Variants in SRPK2 observed in about 807,000 individuals in gnomAD.
SRPK2 encodes the protein SRSF protein kinase 2.
Under a neutral mutation model 90.8 loss-of-function variants are expected in SRPK2, and 21 were observed. That is an observed-to-expected ratio of 0.23 (90% confidence interval 0.16 to 0.33). The LOEUF is 0.33. Among genes scored for constraint, SRPK2 ranks in the 10% least tolerant of loss-of-function variants. SRPK2 has a pLI of 1.00. For missense variants in SRPK2, 620 were observed against 869.0 expected, an observed-to-expected ratio of 0.71 and a Z score of 3.60; for synonymous variants, 288 against 311.1, an observed-to-expected ratio of 0.93 and a Z score of 0.78.
chr7:105,302,630 T>C (rs1033941461), intron 2 of SRPK2, among the ~76,000 whole-genome samples: 7 of 152,164 alleles, frequency 4.6e-5, no homozygotes, highest in African/African-American at 1.7e-4. Context: ...TCTTTTAATT[T>C]TTGAAAGGTG....
chr7:105,280,240 C>T (rs1296262790), intron 2 of SRPK2, among the ~76,000 whole-genome samples: 2 of 151,952 alleles, frequency 1.3e-5, no homozygotes, highest in Non-Finnish European at 2.9e-5. Flanking sequence ...TATGGTGAAA[C>T]TCCATCTCTA....
intron 2 of SRPK2, among the ~76,000 whole-genome samples, chr7:105,334,706 G>A (rs1275292555): frequency 6.6e-6 from 1 of 151,782 alleles, no homozygotes; most frequent in Non-Finnish European, 1.5e-5. Context: ...CAGGTATGGT[G>A]GCACATGCCT....
chr7:105,379,785 C>T (rs563393842), intron 2 of SRPK2, among the ~76,000 whole-genome samples: 2 of 152,172 alleles, frequency 1.3e-5, no homozygotes, highest in African/African-American at 2.4e-5. Context: ...GAGACCAGCC[C>T]GGCCAACATG....
At chr7:105,380,120 A>C (rs1189342708) in intron 2 of SRPK2, among the ~76,000 whole-genome samples, 2 of 152,190 alleles carry the variant, frequency 1.3e-5, no homozygotes, top group Non-Finnish European at 2.9e-5. Flanking sequence ...TAAAAAAGAA[A>C]ATTAAAATTA....
At chr7:105,238,098 A>G (rs1240466583) in intron 2 of SRPK2, among the ~76,000 whole-genome samples, 1 of 152,240 alleles carries the variant, frequency 6.6e-6, no homozygotes, top group Non-Finnish European at 1.5e-5. Context: ...GTAAAGGCTG[A>G]ATCGTGCAGG....
chr7:105,210,583 T>G (rs1796731203), intron 2 of SRPK2, among the ~76,000 whole-genome samples: 1 of 152,196 alleles, frequency 6.6e-6, no homozygotes, highest in African/African-American at 2.4e-5. Flanking sequence ...AAATCAAACC[T>G]AAATGTGCAA....
intron 2 of SRPK2, among the ~76,000 whole-genome samples, chr7:105,299,977 G>A (rs1318679875): frequency 6.6e-6 from 1 of 151,894 alleles, no homozygotes; most frequent in Non-Finnish European, 1.5e-5. Context: ...AGCATATGAA[G>A]TGCCCATCAA....
At chr7:105,191,259 C>A (rs1794241369) in intron 3 of SRPK2, among the ~76,000 whole-genome samples, 1 of 152,134 alleles carries the variant, frequency 6.6e-6, no homozygotes, top group Non-Finnish European at 1.5e-5. Context: ...CATAGGGAGA[C>A]CCCGTCTCTA....
chr7:105,264,296 A>G (rs1804744959), intron 2 of SRPK2, among the ~76,000 whole-genome samples: 1 of 152,066 alleles, frequency 6.6e-6, no homozygotes, highest in South Asian at 2.1e-4. Context: ...ACACATCGCT[A>G]TGTATCACTT....
chr7:105,336,154 G>C (rs918182122), intron 2 of SRPK2, among the ~76,000 whole-genome samples: 1 of 151,902 alleles, frequency 6.6e-6, no homozygotes, highest in African/African-American at 2.4e-5. Context: ...CCACCTACTG[G>C]TTAAATTCAT....
chr7:105,253,154 C>T (rs930050406), intron 2 of SRPK2, among the ~76,000 whole-genome samples: 1 of 152,156 alleles, frequency 6.6e-6, no homozygotes, highest in African/African-American at 2.4e-5. Flanking sequence ...GAAAGAAGCA[C>T]CTCTAACTAT....
At chr7:105,134,368 T>C (rs1185532729) in intron 11 of SRPK2, among the ~76,000 whole-genome samples, 1 of 152,198 alleles carries the variant, frequency 6.6e-6, no homozygotes, top group South Asian at 2.1e-4. Context: ...GCTCCAGCCA[T>C]GTAAGATGCC....
chr7:105,161,854 A>G (rs947003353), intron 6 of SRPK2, among the ~76,000 whole-genome samples: 1 of 152,256 alleles, frequency 6.6e-6, no homozygotes. Context: ...AGAATGTATG[A>G]TCACCATTTA....
At chr7:105,389,123 C>CTGCGATCCTGCCCCT, upstream of SRPK2, 1 of 994,840 alleles carries the variant, frequency 1.0e-6, no homozygotes, top group Non-Finnish European at 1.2e-6. Flanking sequence ...CCTCCCCCAC[C>CTGCGATCCTGCCCCT]CCAGCCCGCG....
At chr7:105,166,497 T>C (rs1282605384) in intron 6 of SRPK2, among the ~76,000 whole-genome samples, 1 of 152,226 alleles carries the variant, frequency 6.6e-6, no homozygotes, top group Non-Finnish European at 1.5e-5. Flanking sequence ...ATTTGCTCTA[T>C]AATAATTCAG....
At chr7:105,271,460 A>C (rs761192438) in intron 2 of SRPK2, among the ~76,000 whole-genome samples, 25 of 152,232 alleles carry the variant, frequency 1.6e-4, no homozygotes, top group Non-Finnish European at 3.1e-4. Flanking sequence ...GAACGTTAAC[A>C]CTATGATACT....
chr7:105,247,531 A>AACACATAAACACAC (rs1554478333), intron 2 of SRPK2, among the ~76,000 whole-genome samples: 5 of 145,162 alleles, frequency 3.4e-5, no homozygotes, highest in African/African-American at 5.1e-5. Context: ...CACACACATA[A>AACACATAAACACAC]ACACACACAC....
intron 2 of SRPK2, among the ~76,000 whole-genome samples, chr7:105,263,616 C>G (rs1188358537): frequency 6.6e-6 from 1 of 152,054 alleles, no homozygotes. Flanking sequence ...TCAATCTTTA[C>G]CTTAATACTA....
At chr7:105,195,105 A>G (rs1306743556) in intron 3 of SRPK2, among the ~76,000 whole-genome samples, 1 of 152,196 alleles carries the variant, frequency 6.6e-6, no homozygotes, top group Non-Finnish European at 1.5e-5. Context: ...GCTGGAGTGC[A>G]GTGGCGCAAT....
Sources: gnomAD v4.1 joint callset for allele counts (sites outside exome capture counted in the v4.1 genomes callset) on GRCh38, gnomAD v4.1.1 for gene constraint, MANE v1.5 for transcripts, NCBI Gene and HGNC (gene_info 2026-07-23, HGNC 2026-07-21) for gene names.